BIVM: variants seen among roughly 807,000 people sequenced by gnomAD.
BIVM encodes basic, immunoglobulin-like variable motif containing, also known as basic immunoglobulin-like variable motif-containing protein.
A neutral mutation model predicts 61.4 loss-of-function variants in BIVM; 31 were observed. The ratio of observed to expected loss-of-function variants is 0.51; its 90% CI spans 0.38 to 0.68. The LOEUF (loss-of-function observed/expected upper bound fraction) is 0.68, where lower values mean the gene tolerates loss of function less well. Among genes scored for constraint, BIVM ranks in the 30% least tolerant of loss-of-function variants. BIVM has a pLI of 0.00. For synonymous variants in BIVM, 189 were observed against 210.7 expected (o/e 0.90, Z 0.89); for missense variants, 526 against 596.0 (o/e 0.88, Z 1.22).
chr13:102,839,006 T>C (rs1424504819), intron 10 of BIVM, among the ~76,000 whole-genome samples: 1 of 152,222 alleles, frequency 6.6e-6, no homozygotes, highest in East Asian at 1.9e-4. Context: ...GGGCTATATA[T>C]TGTTCTTAGC....
At chr13:102,831,426 G>A (rs1249861090) in intron 7 of BIVM, 139 bp from the exon 8 acceptor site, 4 of 1,325,706 alleles carry the variant, frequency 3.0e-6, no homozygotes, top group East Asian at 2.3e-5. Context: ...CCTATCAATA[G>A]CTTCTTGTTT....
intron 4 of BIVM, among the ~76,000 whole-genome samples, chr13:102,817,333 A>G (rs1208072706): frequency 6.6e-6 from 1 of 152,210 alleles, no homozygotes; most frequent in Non-Finnish European, 1.5e-5. Context: ...AGTTGAATAC[A>G]AAGACTTGAT....
intron 8 of BIVM, among the ~76,000 whole-genome samples, chr13:102,832,556 A>C (rs1199325727): frequency 6.6e-6 from 1 of 152,244 alleles, no homozygotes; most frequent in Non-Finnish European, 1.5e-5. Flanking sequence ...TTTATAGACT[A>C]TGTCACAGTG....
Position 102,839,580 on chromosome 13 carries a change from A to C in BIVM, c.1227A>C (p.Gly409=), listed in dbSNP as rs1881704417. ...CATTTTTTTCTTCTCAGGTTGGGGG[A>C]AATTTGCATTGCATCATAGCATTCC... is the stretch of plus-strand genomic sequence containing the variant. The part of the protein sequence containing the change: ...LQYRKTKKVG[G]NLHCIIAFQR... Residue 409 remains glycine, a synonymous_variant, in exon 11 of 11, where the codon GGA becomes GGC. Transcript: ENST00000257336. 1.2e-6 allele frequency: 2 copies of C among 1,612,770 alleles called. No individual in the cohort carries two copies. The highest frequency in any genetic ancestry group is 1.7e-6 in the Non-Finnish European group (2 of 1,179,158).
intron 1 of BIVM, among the ~76,000 whole-genome samples, chr13:102,801,251 T>A: frequency 6.8e-6 from 1 of 146,322 alleles, no homozygotes; most frequent in South Asian, 2.1e-4. Flanking sequence ...GTAAATTTTT[T>A]TTTTTTTTTT....
rs199918267 is a variant in BIVM, at chr13:102,831,107, T to C, written c.902-458T>C. On this transcript the variant is annotated intron_variant, in intron 7 of 10. Transcript: ENST00000257336. ...ATATTAGAACTTCTATATTTTAACC[T>C]AATTTTAAATTCCAACTTTTTGTAT... Among the ~76,000 whole-genome samples, 5 of 152,356 alleles carry C rather than the reference T, an allele frequency of 3.3e-5. No individual in the cohort carries two copies. The East Asian group carries it at 9.6e-4, about 29-fold the overall frequency.
intron 4 of BIVM, among the ~76,000 whole-genome samples, chr13:102,819,941 G>A (rs1296696848): frequency 6.6e-6 from 1 of 152,000 alleles, no homozygotes; most frequent in Non-Finnish European, 1.5e-5. Context: ...GTTTCATTGT[G>A]GCTACTTCTT....
rs202185708 is a variant in BIVM, at chr13:102,829,344, GT to G, written c.902-2214del. Among the ~76,000 whole-genome samples, 238 of 152,212 alleles carry G rather than the reference GT, an allele frequency of 1.6e-3. 2 individuals are homozygous for G. The highest frequency in any genetic ancestry group is 0.013 in the East Asian group (67 of 5,172). ...TGCAGCAGGCCAGTGGATTCCTGTA[GT>G]TTTTTTCTCCTTTCTCTATGCCGTG... On this transcript the variant is annotated intron_variant, in intron 7 of 10. Coordinates refer to ENST00000257336, the MANE Select transcript of BIVM (RefSeq NM_017693.4).
At chr13:102,820,646 T>C (rs1031593650) in intron 4 of BIVM, 5 of 192,360 alleles carry the variant, frequency 2.6e-5, no homozygotes, top group African/African-American at 1.2e-4. Context: ...TTTGTTTGGG[T>C]TGAAGAATCT....
intron 3 of BIVM, among the ~76,000 whole-genome samples, chr13:102,813,381 A>G (rs1879633173): frequency 6.6e-6 from 1 of 152,132 alleles, no homozygotes; most frequent in African/African-American, 2.4e-5. Context: ...TATTTTGATT[A>G]TATTTGCATG....
intron 7 of BIVM, among the ~76,000 whole-genome samples, chr13:102,829,737 G>A (rs1158803175): frequency 6.6e-6 from 1 of 152,086 alleles, no homozygotes; most frequent in Non-Finnish European, 1.5e-5. Flanking sequence ...TACTTGGGAG[G>A]CTGAGGCATG....
chr13:102,818,396 C>T (rs185797958), intron 4 of BIVM, among the ~76,000 whole-genome samples: 25 of 151,864 alleles, frequency 1.6e-4, no homozygotes, highest in African/African-American at 4.8e-4. Flanking sequence ...AAGCCATGGA[C>T]GATTTCTTAA....
At chr13:102,826,274 G>A (rs916797528) in intron 7 of BIVM, among the ~76,000 whole-genome samples, 1 of 152,040 alleles carries the variant, frequency 6.6e-6, no homozygotes, top group African/African-American at 2.4e-5. Flanking sequence ...ACACTCACCT[G>A]CACCTGTGTG....
rs372657309 is a variant in BIVM at position 102,820,011 on chromosome 13, G to C, written c.606-1026G>C. 5.3e-5 allele frequency among the ~76,000 whole-genome samples: 8 copies of C among 152,178 alleles called. No individual in the cohort carries two copies. In the East Asian group the frequency reaches 1.2e-3, roughly 22 times the overall value. On this transcript the variant is annotated intron_variant, in intron 4 of 10. Transcript: ENST00000257336. ...ATTTGAAGGCCAACGAGTGTTGTGG[G>C]TTATTGTTAAGCTGATTTAACATTA...
intron 2 of BIVM, among the ~76,000 whole-genome samples, chr13:102,805,794 A>G (rs1380444031): frequency 6.6e-6 from 1 of 152,110 alleles, no homozygotes; most frequent in East Asian, 1.9e-4. Flanking sequence ...TACTCACTAT[A>G]ATGTTTTCGG....
chr13:102,813,827 C>T (rs571722143), intron 3 of BIVM, among the ~76,000 whole-genome samples: 5 of 152,234 alleles, frequency 3.3e-5, no homozygotes, highest in African/African-American at 1.2e-4. Flanking sequence ...CTTGAATTTG[C>T]TCCTTACATG....
Position 102,839,586 on chromosome 13 carries a change from G to A in BIVM, c.1233G>A (p.Leu411=), listed in dbSNP as rs751283427. The A allele has an allele frequency of 3.1e-6, 5 of 1,613,618 alleles. No homozygotes were observed. ...TTTCTTCTCAGGTTGGGGGAAATTT[G>A]CATTGCATCATAGCATTCCAGAGAC... is the stretch of plus-strand genomic sequence containing the variant. ...YRKTKKVGGN[L]HCIIAFQRLN... Residue 411 remains leucine, a synonymous_variant, in exon 11 of 11, where the codon TTG becomes TTA. Transcript: ENST00000257336.
In BIVM at chr13:102,821,093, C is replaced by G; in HGVS notation, c.662C>G (p.Ser221Cys). Residue 221 changes from serine to cysteine, a missense_variant, in exon 5 of 11, where the codon TCT becomes TGT. Around this residue, in one of 3 missense-constraint regions of BIVM, gnomAD observed 312 missense variants for 343.8 expected, o/e 0.91. Transcript: ENST00000257336. The part of the protein sequence containing the change: ...KTSCGISSLI[S>C]CWNFLYSTMG... ...TCTTGTGGCATCTCTTCATTAATTT[C>G]TTGTTGGAATTTCTTATACAGCACA... 1 of 1,613,512 alleles carries G rather than the reference C, an allele frequency of 6.2e-7. No homozygotes were observed. Among genetic ancestry groups the G allele is most frequent in the Non-Finnish European group, 8.5e-7 (1 of 1,179,872 alleles).
At chr13:102,803,188 A>G (rs949065036) in intron 1 of BIVM, among the ~76,000 whole-genome samples, 6 of 151,172 alleles carry the variant, frequency 4.0e-5, no homozygotes, top group South Asian at 2.1e-4. Flanking sequence ...GTTATTCTAT[A>G]TATGTTCCAA....
Sources: allele counts gnomAD v4.1 joint callset (sites outside exome capture counted in the v4.1 genomes callset), GRCh38; gene constraint gnomAD v4.1.1; regional missense constraint gnomAD v4.1.1; transcripts MANE v1.5; gene names NCBI Gene and HGNC (gene_info 2026-07-23, HGNC 2026-07-21).